The following IL1R2 variants were observed in gnomAD, a reference collection of about 807,000 sequenced individuals.
IL1R2 encodes interleukin 1 receptor type 2, also known as interleukin-1 receptor type 2.
In IL1R2, 46 loss-of-function variants were observed where a neutral mutation model predicts 39.5. The observed-to-expected ratio is 1.16, with a 90% confidence interval of 0.92 to 1.49. IL1R2 has a LOEUF of 1.49. Ranked by LOEUF, IL1R2 falls within the 40% of genes most tolerant of loss-of-function variation. IL1R2 has a pLI of 0.00. For missense variants in IL1R2, 537 were observed against 502.0 expected (o/e 1.07, Z -0.67); for synonymous variants, 207 against 189.6 (o/e 1.09, Z -0.75).
At chr2:101,995,206 T>C (rs1021959641) in intron 1 of IL1R2, among the ~76,000 whole-genome samples, 8 of 152,196 alleles carry the variant, frequency 5.3e-5, no homozygotes, top group Non-Finnish European at 1.0e-4. Flanking sequence ...TTACATGTGC[T>C]GGGTGGGCCT....
intron 1 of IL1R2, among the ~76,000 whole-genome samples, chr2:101,997,389 C>T (rs1675644941): frequency 6.6e-6 from 1 of 152,200 alleles, no homozygotes; most frequent in South Asian, 2.1e-4. Flanking sequence ...ACCAGCCCAT[C>T]AGAAAAGATG....
chr2:102,028,400 G>A lies in IL1R2; in HGVS notation c.*8G>A. The A allele has an allele frequency of 6.4e-7, 1 of 1,574,176 alleles. No individual in the cohort carries two copies. Among genetic ancestry groups the A allele is most frequent in the Non-Finnish European group, 8.7e-7 (1 of 1,155,730 alleles). On this transcript the variant is annotated 3_prime_UTR_variant, in exon 9 of 9. Transcript: ENST00000332549. ...CAATCCTATCCCAAGTGAAATAAATGGAATGAAATAATTCAAACACAAACT... is the reference window on the plus strand; with the variant it reads ...CAATCCTATCCCAAGTGAAATAAATAGAATGAAATAATTCAAACACAAACT...
At position 102,016,061 on chromosome 2, in the gene IL1R2, TA is replaced by T; in HGVS notation, c.513+16del. On this transcript the variant is annotated intron_variant, in intron 4 of 8. Transcript: ENST00000332549. Reference sequence around the variant, plus strand: ...GATTCAATGGTACAAGGTACGGCTTTAAAAAATGCCATTTTACTAAAATGTG... The same window carrying T: ...GATTCAATGGTACAAGGTACGGCTTTAAAAATGCCATTTTACTAAAATGTG... 2 of 1,581,434 alleles carry T rather than the reference TA, an allele frequency of 1.3e-6. No individual in the cohort carries two copies. The highest frequency in any genetic ancestry group is 8.6e-7 in the Non-Finnish European group (1 of 1,161,612).
intron 4 of IL1R2, among the ~76,000 whole-genome samples, chr2:102,018,690 G>T (rs535819573): frequency 6.6e-6 from 1 of 152,224 alleles, no homozygotes; most frequent in African/African-American, 2.4e-5. Context: ...TACAGTTAAG[G>T]ACCCATAAGG....
rs761592613 is a variant in IL1R2 at position 102,022,254 on chromosome 2, G to A, written c.751+5G>A. 1 of 1,612,132 alleles carries A rather than the reference G, an allele frequency of 6.2e-7. No individual in the cohort carries two copies. The highest frequency in any genetic ancestry group is 1.1e-5 in the South Asian group (1 of 91,038). On this transcript the variant is annotated splice_donor_5th_base_variant and intron_variant, in intron 6 of 8. Coordinates refer to ENST00000332549, the MANE Select transcript of IL1R2 (RefSeq NM_004633.4). ...AGACCATATCAGCTTCTCTGGGTAA[G>A]GCCCACAAGGACCATGCATTCCACG...
chr2:102,021,305 CTT>C lies in IL1R2; in HGVS notation c.689-866_689-865del, dbSNP rs546019141. 1.4e-3 allele frequency among the ~76,000 whole-genome samples: 173 copies of C among 122,810 alleles called. 1 individual carries two copies. Among genetic ancestry groups the C allele is most frequent in the East Asian group, 0.011 (47 of 4,212 alleles). 80.6% of individuals were successfully genotyped at this position (122,810 alleles called of 152,430 possible). On this transcript the variant is annotated intron_variant, in intron 5 of 8. Transcript: ENST00000332549. ...CTCGTTTCTTTCTTTCTTTTCTTTT[CTT>C]TTTTTTTTTTTTTTTGGTTTTTTTT...
chr2:102,018,486 A>G (rs766410031), intron 4 of IL1R2, among the ~76,000 whole-genome samples: 47 of 152,218 alleles, frequency 3.1e-4, no homozygotes, highest in Non-Finnish European at 5.0e-4. Flanking sequence ...TGTATGAAGC[A>G]CCCGGTGCAG....
At chr2:102,027,320 T>TTC (rs1369465577) in intron 8 of IL1R2, among the ~76,000 whole-genome samples, 2 of 152,172 alleles carry the variant, frequency 1.3e-5, no homozygotes, top group African/African-American at 4.8e-5. Flanking sequence ...AAAATCAGAA[T>TTC]GTTCCCTCTC....
intron 3 of IL1R2, among the ~76,000 whole-genome samples, chr2:102,012,589 T>C (rs1172177526): frequency 6.6e-6 from 1 of 151,852 alleles, no homozygotes. Context: ...TTAAGAATCT[T>C]TTCAAATTAA....
chr2:102,002,488 T>G (rs868486764), intron 1 of IL1R2, among the ~76,000 whole-genome samples: 1 of 151,894 alleles, frequency 6.6e-6, no homozygotes, highest in African/African-American at 2.4e-5. Flanking sequence ...TCTGTGTCTG[T>G]GTCTGTGTCC....
rs767701576 is a variant in IL1R2 at position 102,008,585 on chromosome 2, T to C, written c.10T>C (p.Leu4=). The C allele has an allele frequency of 2.5e-6, 4 of 1,614,102 alleles. No individual in the cohort carries two copies. In the Admixed American group the frequency reaches 6.7e-5, roughly 27 times the overall value. The change falls in exon 2 of 9, where the codon TTG becomes CTG. Residue 4 remains leucine (L), a synonymous_variant. Coordinates refer to ENST00000332549, the MANE Select transcript of IL1R2 (RefSeq NM_004633.4). ...GAAGTTGTCAGGAGCAATGTTGCGC[T>C]TGTACGTGTTGGTAATGGGAGTTTC... MLR[L]YVLVMGVSAF... is the part of the protein sequence containing the mutation.
chr2:102,017,392 A>C (rs1677072191), intron 4 of IL1R2, among the ~76,000 whole-genome samples: 1 of 132,006 alleles, frequency 7.6e-6, no homozygotes, highest in African/African-American at 2.6e-5. Flanking sequence ...GTGAGACTCC[A>C]TCTCAGAAAA....
At chr2:102,004,847 C>T (rs1160631287) in intron 1 of IL1R2, among the ~76,000 whole-genome samples, 1 of 152,184 alleles carries the variant, frequency 6.6e-6, no homozygotes, top group Non-Finnish European at 1.5e-5. Context: ...AGTAAAGCAG[C>T]TCTTTTGCTC....
chr2:102,001,698 C>G (rs1359700750), intron 1 of IL1R2, among the ~76,000 whole-genome samples: 2 of 152,176 alleles, frequency 1.3e-5, no homozygotes, highest in Admixed American at 1.3e-4. Flanking sequence ...AAAGTCTTCC[C>G]TCTTAAAATT....
intron 5 of IL1R2, among the ~76,000 whole-genome samples, chr2:102,021,047 C>T (rs1046083461): frequency 6.6e-6 from 1 of 152,172 alleles, no homozygotes; most frequent in Non-Finnish European, 1.5e-5. Flanking sequence ...TCTTTCTCTC[C>T]CTGGATGCCC....
chr2:102,009,284 G>A (rs565180929), intron 2 of IL1R2, among the ~76,000 whole-genome samples: 3 of 152,060 alleles, frequency 2.0e-5, no homozygotes, highest in South Asian at 2.1e-4. Flanking sequence ...TTTTGTCACC[G>A]TAGAAACCTG....
chr2:102,022,062 T>C, intron 5 of IL1R2, 125 bp from the exon 6 acceptor site: 1 of 781,384 alleles, frequency 1.3e-6, no homozygotes, highest in Non-Finnish European at 2.2e-6. Context: ...AGACAAAGCC[T>C]GACTCTCATA....
chr2:101,997,256 C>T (rs559588052), intron 1 of IL1R2, among the ~76,000 whole-genome samples: 8 of 152,352 alleles, frequency 5.3e-5, no homozygotes, highest in South Asian at 4.1e-4. Flanking sequence ...CATCCGAGGT[C>T]ACCCCGCTGT....
intron 5 of IL1R2, chr2:102,021,923 T>C: frequency 2.3e-6 from 1 of 431,562 alleles, no homozygotes; most frequent in Non-Finnish European, 4.3e-6. Context: ...TTGTTTATCA[T>C]AGAGCAAGGA....
Sources: gnomAD v4.1 joint callset for allele counts (sites outside exome capture counted in the v4.1 genomes callset) on GRCh38, gnomAD v4.1.1 for gene constraint, MANE v1.5 for transcripts, NCBI Gene and HGNC (gene_info 2026-07-23, HGNC 2026-07-21) for gene names.